DNAH8: variants seen among roughly 807,000 people sequenced by gnomAD.
The protein encoded by DNAH8 is axonemal beta dynein heavy chain 8.
Under a neutral mutation model 562.1 loss-of-function variants are expected in DNAH8, and 382 were observed. The ratio of observed to expected loss-of-function variants is 0.68; its 90% CI spans 0.63 to 0.74. The LOEUF is 0.74. DNAH8 is among the 30% of genes least tolerant of loss of function. The pLI is 0.00. For synonymous variants in DNAH8, 1,881 were observed against 1,919.4 expected (o/e 0.98, Z 0.52); for missense variants, 5,203 against 5,620.4 (o/e 0.93, Z 2.37).
At chr6:38,730,916 C>T (rs200813882) in intron 4 of DNAH8, among the ~76,000 whole-genome samples, 22 of 152,110 alleles carry the variant, frequency 1.4e-4, no homozygotes, top group Admixed American at 6.5e-4. Flanking sequence ...ATCCCCTACC[C>T]GGCTCCTTCA....
At chr6:38,844,586 A>G (rs1389305233) in intron 35 of DNAH8, among the ~76,000 whole-genome samples, 1 of 152,198 alleles carries the variant, frequency 6.6e-6, no homozygotes, top group African/African-American at 2.4e-5. Context: ...TTAATAATAT[A>G]GCCATTCGTA....
Position 38,832,425 on chromosome 6 carries a change from C to T in DNAH8, c.4292C>T (p.Ala1431Val). The T allele has an allele frequency of 1.3e-6, 2 of 1,582,866 alleles. No individual in the cohort carries two copies. Among genetic ancestry groups the T allele is most frequent in the Non-Finnish European group, 1.7e-6 (2 of 1,152,250 alleles). ...GAGGACGTGATAAACTTTGCAGAAG[C>T]ATATGAATTGGTAATTTAAGTATTT... ...FREDVINFAE[A>V]YELEGPMVPN... Residue 1431 changes from alanine to valine, a missense_variant, in exon 31 of 93, where the codon GCA becomes GTA. By Grantham distance (64) the Ala-to-Val change is moderately conservative (BLOSUM62 0). Coordinates refer to ENST00000327475, the MANE Select transcript of DNAH8 (RefSeq NM_001206927.2).
chr6:38,845,782 A>G lies in DNAH8; in HGVS notation c.5045+9A>G, dbSNP rs765783908. 12 of 1,599,548 alleles carry G rather than the reference A, an allele frequency of 7.5e-6. No individual in the cohort carries two copies. Among genetic ancestry groups the G allele is most frequent in the African/African-American group, 1.3e-5 (1 of 74,516 alleles). Reference sequence around the variant, plus strand: ...TCTTTACTCAGCAACAGGTAATTTTATAATTTGAGAGAGAGATTTAAATGG... The same window carrying G: ...TCTTTACTCAGCAACAGGTAATTTTGTAATTTGAGAGAGAGATTTAAATGG... On this transcript the variant is annotated intron_variant, in intron 36 of 92. Coordinates refer to ENST00000327475, the MANE Select transcript of DNAH8 (RefSeq NM_001206927.2).
intron 76 of DNAH8, among the ~76,000 whole-genome samples, chr6:38,932,368 T>A (rs945566863): frequency 2.0e-5 from 3 of 152,122 alleles, no homozygotes; most frequent in African/African-American, 7.2e-5. Flanking sequence ...ACTGTAGTAG[T>A]TTCAACTACT....
chr6:38,725,452 G>T (rs780556069), intron 3 of DNAH8, among the ~76,000 whole-genome samples: 2 of 152,112 alleles, frequency 1.3e-5, no homozygotes, highest in Non-Finnish European at 2.9e-5. Flanking sequence ...CTGACAGTAT[G>T]AATGGGATTG....
At chr6:39,026,692 G>A in intron 92 of DNAH8, 25 bp downstream of exon 92, 1 of 1,608,324 alleles carries the variant, frequency 6.2e-7, no homozygotes, top group Non-Finnish European at 8.5e-7. Flanking sequence ...GCAATAGCAG[G>A]GACCATTCTG....
At chr6:39,026,383 G>A (rs1025679050) in intron 91 of DNAH8, among the ~76,000 whole-genome samples, 163 bp from the exon 92 acceptor site, 1 of 152,210 alleles carries the variant, frequency 6.6e-6, no homozygotes, top group Non-Finnish European at 1.5e-5. Context: ...CCACAGAAAC[G>A]AAACACTGAG....
intron 91 of DNAH8, 106 bp downstream of exon 91, chr6:39,012,743 G>T: frequency 1.2e-6 from 1 of 826,578 alleles, no homozygotes; most frequent in Admixed American, 2.0e-5. Context: ...GGCGTAGCTT[G>T]CTGGGTGCTG....
At chr6:38,922,659 T>C (rs1190680071) in intron 71 of DNAH8, among the ~76,000 whole-genome samples, 2 of 152,192 alleles carry the variant, frequency 1.3e-5, no homozygotes, top group African/African-American at 4.8e-5. Context: ...CATGCTATTG[T>C]TGTCTGGGAT....
At position 38,805,520 on chromosome 6, in the gene DNAH8, AG is replaced by A; in HGVS notation, c.3077del (p.Gly1026ValfsTer11). 1 of 1,610,340 alleles carries A rather than the reference AG, an allele frequency of 6.2e-7. No individual in the cohort carries two copies. The highest frequency in any genetic ancestry group is 8.5e-7 in the Non-Finnish European group (1 of 1,176,906). On this transcript the variant is annotated frameshift_variant, in exon 23 of 93. Transcript: ENST00000327475. LOFTEE classifies it high-confidence loss of function. ...KHVVFGSETG[E>X]GENNDYEANI... The stretch of plus-strand genomic sequence containing the variant: ...GTTGTTTTTGGAAGTGAAACAGGAG[AG>A]GGTGAAAACAATGACTATGAAGCTA...
At chr6:38,844,865 C>T (rs970892416) in intron 35 of DNAH8, among the ~76,000 whole-genome samples, 3 of 152,192 alleles carry the variant, frequency 2.0e-5, no homozygotes, top group East Asian at 1.9e-4. Flanking sequence ...CTCCTCAGCA[C>T]AGACCTCCCT....
intron 3 of DNAH8, among the ~76,000 whole-genome samples, chr6:38,727,060 C>T (rs932117011): frequency 4.6e-5 from 7 of 151,642 alleles, no homozygotes; most frequent in Non-Finnish European, 1.0e-4. Context: ...GTTTCACCAT[C>T]TTGGCCAGGC....
intron 88 of DNAH8, among the ~76,000 whole-genome samples, chr6:38,992,201 C>T (rs7768203): frequency 0.41 from 61,785 of 152,046 alleles, 12,931 homozygotes; most frequent in East Asian, 0.59. Context: ...TCCCTAGCCT[C>T]AGGTGATCCG....
intron 42 of DNAH8, among the ~76,000 whole-genome samples, chr6:38,860,169 T>A (rs943660758): frequency 6.6e-6 from 1 of 152,196 alleles, no homozygotes; most frequent in Non-Finnish European, 1.5e-5. Context: ...TAGGTCCTCC[T>A]GCTCCATATA....
intron 92 of DNAH8, 27 bp downstream of exon 92, chr6:39,026,694 A>T (rs1215119882): frequency 2.5e-6 from 4 of 1,608,800 alleles, no homozygotes; most frequent in Non-Finnish European, 3.4e-6. Context: ...AATAGCAGGG[A>T]CCATTCTGGA....
intron 87 of DNAH8, among the ~76,000 whole-genome samples, chr6:38,987,986 C>A (rs1354762750): frequency 2.6e-5 from 4 of 152,172 alleles, no homozygotes; most frequent in African/African-American, 9.7e-5. Context: ...TCATCCTCAG[C>A]CCCAGGCTTG....
chr6:38,883,946 CTG>C lies in DNAH8; in HGVS notation c.8209_8210del (p.Val2737IlefsTer3), dbSNP rs772577135. ...GGGCCACCAGGAGGGAGAAAAATGA[CTG>C]TATTTATTGATGATATTAATATGCC... On this transcript the variant is annotated frameshift_variant, in exon 56 of 93. Coordinates refer to ENST00000327475, the MANE Select transcript of DNAH8 (RefSeq NM_001206927.2). LOFTEE classifies it high-confidence loss of function. 1.3e-6 allele frequency: 2 copies of C among 1,588,784 alleles called. No individual in the cohort carries two copies. The highest frequency in any genetic ancestry group is 2.3e-5 in the South Asian group (2 of 87,110).
intron 47 of DNAH8, among the ~76,000 whole-genome samples, chr6:38,867,143 G>A (rs374342531): frequency 7.9e-5 from 12 of 152,198 alleles, no homozygotes; most frequent in African/African-American, 2.9e-4. Flanking sequence ...TCTTGTAACT[G>A]TAGCGCAATA....
At chr6:38,803,760 CT>C (rs777460869) in intron 22 of DNAH8, among the ~76,000 whole-genome samples, 55 of 145,318 alleles carry the variant, frequency 3.8e-4, no homozygotes, top group South Asian at 4.4e-4. Context: ...TGTTTTAAGA[CT>C]TTTTTTTTTT....
Sources: allele counts gnomAD v4.1 joint callset (sites outside exome capture counted in the v4.1 genomes callset), GRCh38; gene constraint gnomAD v4.1.1; transcripts MANE v1.5; gene names NCBI Gene and HGNC (gene_info 2026-07-23, HGNC 2026-07-21).